Variants in RAD50 observed in about 807,000 individuals in gnomAD.
RAD50 encodes DNA repair protein RAD50.
In RAD50, 132 loss-of-function variants were observed where a neutral mutation model predicts 168.8. That is an observed-to-expected ratio of 0.78 (90% CI 0.68 to 0.90). RAD50 has a LOEUF of 0.90. RAD50 is among the 40% of genes least tolerant of loss of function. The probability of loss-of-function intolerance (pLI) is 0.00; values close to 1 mark genes in which losing one functional copy is unlikely to be tolerated. For synonymous variants in RAD50, 525 were observed against 497.4 expected, an observed-to-expected ratio of 1.06 and a Z score of -0.74; for missense variants, 1,347 against 1,534.4, an observed-to-expected ratio of 0.88 and a Z score of 2.04.
At chr5:132,615,661 G>A (rs1025866503) in intron 19 of RAD50, among the ~76,000 whole-genome samples, 2 of 152,102 alleles carry the variant, frequency 1.3e-5, no homozygotes, top group African/African-American at 4.8e-5. Context: ...TGTCTGTTTT[G>A]TATGTTTTTA....
At chr5:132,583,302 A>G (rs1580989543) in intron 5 of RAD50, among the ~76,000 whole-genome samples, 1 of 145,148 alleles carries the variant, frequency 6.9e-6, no homozygotes, top group Non-Finnish European at 1.5e-5. Flanking sequence ...TTCACAGTGG[A>G]AATAAGGGTT....
intron 21 of RAD50, among the ~76,000 whole-genome samples, chr5:132,632,181 T>C (rs1307363413): frequency 6.6e-6 from 1 of 152,202 alleles, no homozygotes; most frequent in Non-Finnish European, 1.5e-5. Flanking sequence ...CCCAAACATA[T>C]GTGATTTTTT....
chr5:132,565,468 ACT>A (rs1267755236), intron 2 of RAD50, among the ~76,000 whole-genome samples: 1 of 151,546 alleles, frequency 6.6e-6, no homozygotes, highest in African/African-American at 2.4e-5. Flanking sequence ...TAGGCTCTTG[ACT>A]CTTCATTCTG....
intron 16 of RAD50, among the ~76,000 whole-genome samples, chr5:132,606,936 C>T (rs2149848709): frequency 6.6e-6 from 1 of 152,296 alleles, no homozygotes; most frequent in African/African-American, 2.4e-5. Flanking sequence ...ATGCTAAAAG[C>T]TCTCAATAAA....
At chr5:132,620,500 T>C (rs1424123795) in intron 21 of RAD50, among the ~76,000 whole-genome samples, 4 of 152,378 alleles carry the variant, frequency 2.6e-5, no homozygotes, top group African/African-American at 9.6e-5. Context: ...ATCCAGTGTA[T>C]GTCTGTCTTT....
chr5:132,603,799 G>A lies in RAD50; in HGVS notation c.2398-121G>A, dbSNP rs969896972. 15 of 998,562 alleles carry A rather than the reference G, an allele frequency of 1.5e-5. No homozygotes were observed. In the Admixed American group the frequency reaches 1.6e-4, roughly 10 times the overall value. The allele number at this position is 998,562 out of a possible 1,614,324, so 61.9% of individuals were successfully genotyped here. A position where few individuals can be genotyped will look rare whatever the true frequency, so the allele number is the denominator to read the frequency against. On this transcript the variant is annotated intron_variant, in intron 14 of 24. Transcript: ENST00000378823. The stretch of plus-strand genomic sequence containing the variant: ...TATCCTATTAAACTTTGCTAAAATT[G>A]TATCTAGAAATGGTTTATAAGTTTA...
At chr5:132,590,003 G>A (rs906380415) in intron 9 of RAD50, among the ~76,000 whole-genome samples, 166 bp downstream of exon 9, 1 of 151,932 alleles carries the variant, frequency 6.6e-6, no homozygotes, top group Non-Finnish European at 1.5e-5. Flanking sequence ...TGACTCTTTG[G>A]TTCTACAACC....
Position 132,642,595 on chromosome 5 carries a change from C to CT in RAD50, c.*232dup, listed in dbSNP as rs548077644. ...CTCTTCATCCCATTCCAGGCAGCCT[C>CT]TGTCAGGCCTTCAGGGTTCAGCAGT... is the stretch of plus-strand genomic sequence containing the variant. On this transcript the variant is annotated 3_prime_UTR_variant, in exon 25 of 25. Transcript: ENST00000378823. The CT allele has an allele frequency of 5.2e-4, 296 of 566,810 alleles. 2 individuals carry two copies. The highest frequency in any genetic ancestry group is 1.5e-4 in the Non-Finnish European group (49 of 321,050). 35.1% of individuals were successfully genotyped at this position (566,810 alleles called of 1,614,324 possible).
intron 21 of RAD50, among the ~76,000 whole-genome samples, chr5:132,636,359 A>G (rs1191829741): frequency 6.6e-6 from 1 of 152,218 alleles, no homozygotes; most frequent in Non-Finnish European, 1.5e-5. Flanking sequence ...AGTTGAGGAC[A>G]GGGACATGTC....
intron 2 of RAD50, among the ~76,000 whole-genome samples, chr5:132,566,015 C>G (rs1750202169): frequency 6.6e-6 from 1 of 152,178 alleles, no homozygotes; most frequent in Non-Finnish European, 1.5e-5. Context: ...TCTGCCCCAC[C>G]TAATGGTTTT....
intron 13 of RAD50, among the ~76,000 whole-genome samples, chr5:132,597,993 C>T (rs1373341228): frequency 6.7e-6 from 1 of 150,252 alleles, no homozygotes; most frequent in African/African-American, 2.4e-5. Context: ...GACTGTTATA[C>T]AATAAATGGC....
intron 23 of RAD50, 171 bp downstream of exon 23, chr5:132,638,394 C>T (rs993832350): frequency 2.9e-5 from 22 of 757,944 alleles, no homozygotes; most frequent in Non-Finnish European, 4.2e-5. Flanking sequence ...CTGAAGCTAA[C>T]CAACATTTCC....
chr5:132,643,467 C>T lies in RAD50; in HGVS notation c.*1103C>T, dbSNP rs1332709372. The T allele has an allele frequency of 4.3e-6, 1 of 233,720 alleles. No individual in the cohort carries two copies. Among genetic ancestry groups the T allele is most frequent in the Admixed American group, 5.2e-5 (1 of 19,124 alleles). The allele number at this position is 233,720 out of a possible 1,614,324, so 14.5% of individuals were successfully genotyped here. On this transcript the variant is annotated 3_prime_UTR_variant, in exon 25 of 25. Transcript: ENST00000378823. ...ACCATACCGGGTCTTGATTCAGTCA[C>T]ATGGCATGGTTTTGTGCCATCTGTA...
rs749296024 is a variant in RAD50 at position 132,643,377 on chromosome 5, A to G, written c.*1013A>G. 1.2e-5 allele frequency: 3 copies of G among 243,438 alleles called. No homozygotes were observed. Among genetic ancestry groups the G allele is most frequent in the Non-Finnish European group, 2.5e-5 (3 of 120,080 alleles). 15.1% of individuals were successfully genotyped at this position (243,438 alleles called of 1,614,324 possible). Reference sequence around the variant, plus strand: ...CTTGAATCCTTCCATTCCACACAGAATGCAACCAAGTCACACGCTTTTGAA... The same window carrying G: ...CTTGAATCCTTCCATTCCACACAGAGTGCAACCAAGTCACACGCTTTTGAA... On this transcript the variant is annotated 3_prime_UTR_variant, in exon 25 of 25. Coordinates refer to ENST00000378823, the MANE Select transcript of RAD50 (RefSeq NM_005732.4).
chr5:132,644,869 C>A lies in RAD50; in HGVS notation c.*2505C>A, dbSNP rs1751816942. Reference sequence around the variant, plus strand: ...CACTGCAACCTCTGCCTCCCTGATACAAGCAATCCTCCTGCCTCAGCCTCC... The same window carrying A: ...CACTGCAACCTCTGCCTCCCTGATAAAAGCAATCCTCCTGCCTCAGCCTCC... On this transcript the variant is annotated 3_prime_UTR_variant, in exon 25 of 25. Coordinates refer to ENST00000378823, the MANE Select transcript of RAD50 (RefSeq NM_005732.4). 1 of 152,910 alleles carries A rather than the reference C, an allele frequency of 6.5e-6. No individual in the cohort carries two copies. Among genetic ancestry groups the A allele is most frequent in the Non-Finnish European group, 1.5e-5 (1 of 68,450 alleles). The allele number at this position is 152,910 out of a possible 1,614,324, so 9.5% of individuals were successfully genotyped here. A position where few individuals can be genotyped will look rare whatever the true frequency, so the allele number is the denominator to read the frequency against.
At chr5:132,621,670 G>T (rs1751288582) in intron 21 of RAD50, among the ~76,000 whole-genome samples, 1 of 152,100 alleles carries the variant, frequency 6.6e-6, no homozygotes, top group Non-Finnish European at 1.5e-5. Flanking sequence ...TTGTTCTCTT[G>T]GCACTTTGAA....
chr5:132,566,167 T>C (rs1443419372), intron 2 of RAD50, among the ~76,000 whole-genome samples: 2 of 152,238 alleles, frequency 1.3e-5, no homozygotes, highest in East Asian at 3.8e-4. Flanking sequence ...AAGTGACTCT[T>C]CTTCAATAAG....
intron 1 of RAD50, 72 bp from the exon 2 acceptor site, chr5:132,559,212 A>G (rs1750076166): frequency 7.4e-6 from 10 of 1,354,506 alleles, no homozygotes; most frequent in Non-Finnish European, 1.0e-5. Context: ...TATTTTTGTA[A>G]TGAATTCATA....
intron 16 of RAD50, among the ~76,000 whole-genome samples, chr5:132,605,617 C>T (rs1231519835): frequency 1.3e-5 from 2 of 152,208 alleles, no homozygotes; most frequent in Non-Finnish European, 2.9e-5. Context: ...TACAGGCTTA[C>T]ATCACCTCAC....
Sources: allele counts gnomAD v4.1 joint callset (sites outside exome capture counted in the v4.1 genomes callset), GRCh38; gene constraint gnomAD v4.1.1; transcripts MANE v1.5; gene names NCBI Gene and HGNC (gene_info 2026-07-23, HGNC 2026-07-21).